The following MAST2 variants were observed in gnomAD, a reference collection of about 807,000 sequenced individuals.
MAST2 encodes the protein microtubule-associated serine/threonine-protein kinase 2.
In MAST2, 70 loss-of-function variants were observed where a neutral mutation model predicts 147.4. The ratio of observed to expected loss-of-function variants is 0.47; its 90% CI spans 0.39 to 0.58. The LOEUF (loss-of-function observed/expected upper bound fraction) is 0.58. Among genes scored for constraint, MAST2 ranks in the 20% least tolerant of loss-of-function variants. The pLI, the probability that MAST2 is intolerant of heterozygous loss-of-function variation, is 0.00. For missense variants in MAST2, 2,080 were observed against 2,302.3 expected (o/e 0.90, Z 1.98); for synonymous variants, 869 against 896.8 (o/e 0.97, Z 0.55).
chr1:45,878,769 G>A (rs1646713748), intron 3 of MAST2, among the ~76,000 whole-genome samples: 1 of 152,102 alleles, frequency 6.6e-6, no homozygotes, highest in Admixed American at 6.5e-5. Flanking sequence ...TTAGGGATGA[G>A]CTTAATAAAA....
At chr1:46,008,215 G>T (rs1376807702) in intron 8 of MAST2, 81 bp from the exon 9 acceptor site, 15 of 872,656 alleles carry the variant, frequency 1.7e-5, no homozygotes, top group Non-Finnish European at 2.7e-5. Context: ...GGTGGGAGGG[G>T]CAGGGTCTCT....
At chr1:45,938,474 C>G (rs1656628769) in intron 4 of MAST2, among the ~76,000 whole-genome samples, 1 of 152,066 alleles carries the variant, frequency 6.6e-6, no homozygotes, top group Non-Finnish European at 1.5e-5. Context: ...CAGGTGCACA[C>G]CACCATACCC....
intron 4 of MAST2, 150 bp downstream of exon 4, chr1:45,882,545 A>G (rs1646898593): frequency 6.6e-6 from 4 of 601,896 alleles, no homozygotes; most frequent in African/African-American, 5.7e-5. Flanking sequence ...CAGCAGGCCA[A>G]CTGACTTCTC....
At chr1:45,804,808 G>T (rs1045906255) in intron 1 of MAST2, among the ~76,000 whole-genome samples, 3 of 152,300 alleles carry the variant, frequency 2.0e-5, no homozygotes, top group African/African-American at 7.2e-5. Flanking sequence ...GGGGATAAAG[G>T]TCAGTTTTAT....
intron 5 of MAST2, among the ~76,000 whole-genome samples, chr1:45,990,516 C>T (rs1444295705): frequency 6.6e-6 from 1 of 151,998 alleles, no homozygotes; most frequent in Non-Finnish European, 1.5e-5. Flanking sequence ...GTTTTTGAGA[C>T]AAGGTCTTGC....
Position 46,035,466 on chromosome 1 carries a change from C to T in MAST2, c.4797C>T (p.Gly1599=), listed in dbSNP as rs770598962. The change falls in exon 29 of 29, where the codon GGC becomes GGT. Residue 1599 remains glycine, a synonymous_variant. Transcript: ENST00000361297. This position sits in a 1 kb window ranked among gnomAD's most constrained non-coding sequence, Gnocchi z 5.5. The part of the protein sequence containing the change: ...IEEAASSSSA[G]PNLGQSGATD... The stretch of plus-strand genomic sequence containing the variant: ...AGGCTGCCAGCTCCTCCTCAGCAGG[C>T]CCCAACCTAGGTCAGTCTGGAGCCA... 5.0e-6 allele frequency: 8 copies of T among 1,613,282 alleles called. No homozygotes were observed. In the East Asian group the frequency reaches 1.8e-4, roughly 36 times the overall value.
intron 4 of MAST2, among the ~76,000 whole-genome samples, chr1:45,936,400 A>G (rs1018786265): frequency 5.9e-5 from 9 of 152,090 alleles, no homozygotes; most frequent in East Asian, 1.9e-4. Context: ...AGGACTTCCT[A>G]TGTGGAATAG....
At chr1:46,021,109 CAAAT>C (rs1646163097) in intron 11 of MAST2, among the ~76,000 whole-genome samples, 1 of 152,018 alleles carries the variant, frequency 6.6e-6, no homozygotes, top group African/African-American at 2.4e-5. Flanking sequence ...ACATTCTGAC[CAAAT>C]AGGAGCTAAG....
chr1:45,941,668 C>CTATTTGTTTTTTT lies in MAST2; in HGVS notation c.501-17706_501-17705insTTATTTGTTTTTT, dbSNP rs58795618. Among the ~76,000 whole-genome samples, 1,188 of 151,784 alleles carry CTATTTGTTTTTTT rather than the reference C, an allele frequency of 7.8e-3. 21 individuals are homozygous for CTATTTGTTTTTTT. Among genetic ancestry groups the CTATTTGTTTTTTT allele is most frequent in the African/African-American group, 0.027 (1,121 of 41,404 alleles). Reference sequence around the variant, plus strand: ...TCCAATCTTTTTTATTTGTTTATTCCTATTTGTTTTTTGTTTTTTTATTTG... The same window carrying CTATTTGTTTTTTT: ...TCCAATCTTTTTTATTTGTTTATTCCTATTTGTTTTTTTTATTTGTTTTTTGTTTTTTTATTTG... On this transcript the variant is annotated intron_variant, in intron 4 of 28. Coordinates refer to ENST00000361297, the MANE Select transcript of MAST2 (RefSeq NM_015112.3).
chr1:45,910,859 A>G (rs1416264158), intron 4 of MAST2, among the ~76,000 whole-genome samples: 1 of 152,216 alleles, frequency 6.6e-6, no homozygotes, highest in Non-Finnish European at 1.5e-5. Flanking sequence ...GTTCTGATAT[A>G]GTTGCCTCTC....
At chr1:45,869,243 T>A (rs1409936718) in intron 3 of MAST2, among the ~76,000 whole-genome samples, 1 of 152,208 alleles carries the variant, frequency 6.6e-6, no homozygotes, top group African/African-American at 2.4e-5. Flanking sequence ...AACTCCAGTA[T>A]CTTTGTAGAC....
At chr1:45,932,572 C>T (rs561771010) in intron 4 of MAST2, among the ~76,000 whole-genome samples, 1 of 152,166 alleles carries the variant, frequency 6.6e-6, no homozygotes, top group Admixed American at 6.5e-5. Flanking sequence ...ACATGGGAGG[C>T]TGAGGCACGA....
At chr1:45,939,442 T>A (rs1183605007) in intron 4 of MAST2, among the ~76,000 whole-genome samples, 1 of 152,070 alleles carries the variant, frequency 6.6e-6, no homozygotes, top group African/African-American at 2.4e-5. Flanking sequence ...AATCAGGTGG[T>A]ATAATTCCTC....
At chr1:45,899,631 A>G (rs1005609259) in intron 4 of MAST2, among the ~76,000 whole-genome samples, 7 of 152,072 alleles carry the variant, frequency 4.6e-5, no homozygotes, top group African/African-American at 7.2e-5. Context: ...GCTGCAAAGG[A>G]CAGGATTTCA....
intron 5 of MAST2, among the ~76,000 whole-genome samples, chr1:45,968,190 TC>T (rs1449628502): frequency 6.6e-6 from 1 of 152,196 alleles, no homozygotes; most frequent in African/African-American, 2.4e-5. Flanking sequence ...GGGATACTTA[TC>T]CTATATTATG....
intron 3 of MAST2, among the ~76,000 whole-genome samples, chr1:45,866,517 A>G (rs543241261): frequency 2.6e-5 from 4 of 152,116 alleles, no homozygotes; most frequent in Non-Finnish European, 5.9e-5. Context: ...CAGAAAGGGA[A>G]TCCTATTTGT....
intron 2 of MAST2, among the ~76,000 whole-genome samples, chr1:45,828,069 G>C (rs542943624): frequency 2.6e-5 from 4 of 152,148 alleles, no homozygotes; most frequent in Admixed American, 2.6e-4. Context: ...GGGCTCAAGT[G>C]ATCCTCCTGC....
chr1:46,022,868 G>A lies in MAST2; in HGVS notation c.1424-42G>A, dbSNP rs769615875. On this transcript the variant is annotated intron_variant, in intron 12 of 28. Transcript: ENST00000361297. ...ATCTGAGGATACTGCTGAGATACCT[G>A]ACATTGCCACGCACATTCTTCTCTT... 2.7e-6 allele frequency: 4 copies of A among 1,494,122 alleles called. No individual in the cohort carries two copies. In the African/African-American group the frequency reaches 5.5e-5, roughly 21 times the overall value. 92.6% of individuals were successfully genotyped at this position (1,494,122 alleles called of 1,614,324 possible). A position where few individuals can be genotyped will look rare whatever the true frequency, so the allele number is the denominator to read the frequency against.
At chr1:45,987,778 T>G (rs1644695389) in intron 5 of MAST2, among the ~76,000 whole-genome samples, 1 of 5,186 alleles carries the variant, frequency 1.9e-4, no homozygotes, top group African/African-American at 9.9e-4. Flanking sequence ...TTTTTTTTGA[T>G]TTTTTTTTTT....
Sources: gnomAD v4.1 joint callset for allele counts (sites outside exome capture counted in the v4.1 genomes callset) on GRCh38, gnomAD v4.1.1 for gene constraint, Gnocchi (gnomAD v3.1) non-coding constraint, MANE v1.5 for transcripts, NCBI Gene and HGNC (gene_info 2026-07-23, HGNC 2026-07-21) for gene names.